Variants in PDE1C observed in about 807,000 individuals in gnomAD.
PDE1C encodes the protein phosphodiesterase 1C, also known as dual specificity calcium/calmodulin-dependent 3',5'-cyclic nucleotide phosphodiesterase 1C.
A neutral mutation model predicts 93.1 loss-of-function variants in PDE1C; 62 were observed. The observed-to-expected ratio is 0.67, with a 90% CI of 0.54 to 0.82. PDE1C has a LOEUF of 0.82. Among genes scored for constraint, PDE1C ranks in the 40% least tolerant of loss-of-function variants. The pLI, the probability that PDE1C is intolerant of heterozygous loss-of-function variation, is 0.00. For missense variants in PDE1C, 742 were observed against 884.6 expected, an observed-to-expected ratio of 0.84 and a Z score of 2.04; for synonymous variants, 325 against 310.1, an observed-to-expected ratio of 1.05 and a Z score of -0.50.
At chr7:32,117,878 G>A (rs757626760) in intron 3 of PDE1C, among the ~76,000 whole-genome samples, 5 of 152,212 alleles carry the variant, frequency 3.3e-5, no homozygotes, top group Non-Finnish European at 5.9e-5. Flanking sequence ...GAACTCATCA[G>A]CCAAAAGAAT....
chr7:31,780,771 A>G (rs1783345858), intron 16 of PDE1C, among the ~76,000 whole-genome samples: 1 of 149,412 alleles, frequency 6.7e-6, no homozygotes, highest in Non-Finnish European at 1.5e-5. Context: ...GTGTATGTGC[A>G]TGTGCGCATG....
At chr7:32,315,396 A>C (rs574689980) in intron 1 of PDE1C, among the ~76,000 whole-genome samples, 2 of 152,112 alleles carry the variant, frequency 1.3e-5, no homozygotes, top group African/African-American at 4.8e-5. Context: ...AGAGGAAAGG[A>C]GGAAGACAGC....
chr7:31,991,148 C>T (rs912356458), intron 2 of PDE1C, among the ~76,000 whole-genome samples: 8 of 152,158 alleles, frequency 5.3e-5, no homozygotes, highest in African/African-American at 1.9e-4. Flanking sequence ...GTTACATACT[C>T]AATTTGTAAG....
intron 3 of PDE1C, among the ~76,000 whole-genome samples, chr7:32,147,984 TAAAAAA>T (rs752433564): frequency 0.056 from 4,433 of 79,744 alleles, 236 homozygotes; most frequent in South Asian, 0.11. Context: ...CCATTTATGC[TAAAAAA>T]AAAAAAAAAA....
chr7:31,670,547 A>G, the PDE1C span, among the ~76,000 whole-genome samples: 1,997 of 152,242 alleles, frequency 0.013, 21 homozygotes, highest in Non-Finnish European at 0.02. Context: ...TCTTGTCCCA[A>G]TTATAGCTTG....
chr7:32,291,870 G>A (rs1812351126), intron 1 of PDE1C, among the ~76,000 whole-genome samples: 1 of 152,172 alleles, frequency 6.6e-6, no homozygotes, highest in South Asian at 2.1e-4. Flanking sequence ...GTTTACAGAT[G>A]GAGAAATTGT....
At chr7:32,110,264 A>G (rs1798565614) in intron 3 of PDE1C, among the ~76,000 whole-genome samples, 2 of 152,138 alleles carry the variant, frequency 1.3e-5, no homozygotes, top group Non-Finnish European at 2.9e-5. Flanking sequence ...TTGCAGAAGG[A>G]TTGTACCCAT....
intron 1 of PDE1C, among the ~76,000 whole-genome samples, chr7:32,306,504 A>G (rs1465932949): frequency 3.9e-5 from 6 of 152,182 alleles, no homozygotes; most frequent in Admixed American, 3.9e-4. Flanking sequence ...ACCTTAGTCC[A>G]GGCTCCCACT....
chr7:32,044,566 A>G (rs1792266203), intron 2 of PDE1C, among the ~76,000 whole-genome samples: 1 of 152,124 alleles, frequency 6.6e-6, no homozygotes, highest in Admixed American at 6.5e-5. Context: ...AGATGAAGAA[A>G]CCAGAGTAAT....
intron 17 of PDE1C, among the ~76,000 whole-genome samples, chr7:31,763,073 CATCAGTATGTTTGTAATGCCCAGTT>C (rs1794933442): frequency 6.6e-6 from 1 of 152,126 alleles, no homozygotes; most frequent in African/African-American, 2.4e-5. Flanking sequence ...GGAGCCCAAA[CATCAGTATGTTTGTAATGCCCAGTT>C]ATCCTAATGT....
At chr7:32,216,169 T>TG (rs1237405845) in intron 1 of PDE1C, among the ~76,000 whole-genome samples, 1 of 152,178 alleles carries the variant, frequency 6.6e-6, no homozygotes, top group Non-Finnish European at 1.5e-5. Context: ...GAAGGAATGC[T>TG]GGGGGGAAGG....
intron 3 of PDE1C, among the ~76,000 whole-genome samples, chr7:32,139,300 CTTT>C (rs34277412): frequency 4.3e-4 from 36 of 82,968 alleles, no homozygotes; most frequent in African/African-American, 1.5e-3. Context: ...CAAAATCAAC[CTTT>C]TTTTTTTTTT....
intron 2 of PDE1C, among the ~76,000 whole-genome samples, chr7:32,010,087 T>C (rs1266164429): frequency 6.6e-6 from 1 of 152,242 alleles, no homozygotes; most frequent in East Asian, 1.9e-4. Context: ...ATTGTTAAGA[T>C]ATTATCTCCT....
intron 1 of PDE1C, among the ~76,000 whole-genome samples, chr7:32,354,445 A>G (rs1395993475): frequency 1.3e-5 from 2 of 152,176 alleles, no homozygotes; most frequent in Admixed American, 6.5e-5. Context: ...TGAGCAACAT[A>G]GTGGGACCCT....
intron 2 of PDE1C, among the ~76,000 whole-genome samples, chr7:32,206,988 A>G (rs1805615360): frequency 6.6e-6 from 1 of 152,084 alleles, no homozygotes; most frequent in Non-Finnish European, 1.5e-5. Flanking sequence ...CTTCTAGGAG[A>G]ATGACTTCCC....
At chr7:32,147,328 G>GAAAGAAAGAAAC (rs1563353034) in intron 3 of PDE1C, among the ~76,000 whole-genome samples, 1 of 142,990 alleles carries the variant, frequency 7.0e-6, no homozygotes, top group Non-Finnish European at 1.6e-5. Context: ...AAGAAAGAAA[G>GAAAGAAAGAAAC]AAAGACGCTG....
chr7:32,082,191 C>A (rs1043972718), intron 3 of PDE1C, among the ~76,000 whole-genome samples: 1 of 152,388 alleles, frequency 6.6e-6, no homozygotes, highest in African/African-American at 2.4e-5. Context: ...GCTTAAAAAA[C>A]GGTGCACCAG....
At chr7:31,828,652 C>T (rs1583499632) in intron 11 of PDE1C, among the ~76,000 whole-genome samples, 1 of 152,120 alleles carries the variant, frequency 6.6e-6, no homozygotes, top group African/African-American at 2.4e-5. Flanking sequence ...AATAAGGCAA[C>T]AGGCAATATG....
chr7:32,146,649 C>T (rs1311131779), intron 3 of PDE1C, among the ~76,000 whole-genome samples: 3 of 152,150 alleles, frequency 2.0e-5, no homozygotes, highest in Admixed American at 1.3e-4. Context: ...AGGGAACACA[C>T]TCACAAGTTC....
Sources: gnomAD v4.1 joint callset for allele counts (sites outside exome capture counted in the v4.1 genomes callset) on GRCh38, gnomAD v4.1.1 for gene constraint, MANE v1.5 for transcripts, NCBI Gene and HGNC (gene_info 2026-07-23, HGNC 2026-07-21) for gene names.